Variants in RAPGEF1 observed in about 807,000 individuals in gnomAD.
RAPGEF1 encodes the protein CRK SH3-binding GNRP.
RAPGEF1 carries 33 observed loss-of-function variants against 143.3 expected under a neutral mutation model. The observed-to-expected ratio is 0.23, with a 90% CI of 0.17 to 0.31. The LOEUF (loss-of-function observed/expected upper bound fraction) is 0.31. Ranked by LOEUF, RAPGEF1 falls within the 10% of genes least tolerant of loss-of-function variation. The pLI is 1.00. For synonymous variants in RAPGEF1, 629 were observed against 676.5 expected, an observed-to-expected ratio of 0.93 and a Z score of 1.09; for missense variants, 1,199 against 1,645.4, an observed-to-expected ratio of 0.73 and a Z score of 4.69.
At chr9:131,579,675 T>A in intron 26 of RAPGEF1, 28 bp from the exon 27 acceptor site, 9 of 1,609,992 alleles carry the variant, frequency 5.6e-6, no homozygotes, top group Non-Finnish European at 7.6e-6. Flanking sequence ...GAGCAGTCAG[T>A]GAGCACCTGT....
chr9:131,613,240 G>A (rs1391390235), intron 12 of RAPGEF1, among the ~76,000 whole-genome samples: 1 of 112,642 alleles, frequency 8.9e-6, no homozygotes, highest in Non-Finnish European at 1.8e-5. Context: ...CAGCAAGTAA[G>A]GAGAAAACAC....
At chr9:131,601,969 C>T in intron 15 of RAPGEF1, 92 bp downstream of exon 15, 1 of 889,776 alleles carries the variant, frequency 1.1e-6, no homozygotes, top group South Asian at 1.6e-5. Flanking sequence ...ACCCTCAGGC[C>T]TAGGGGCTAG....
intron 1 of RAPGEF1, among the ~76,000 whole-genome samples, chr9:131,660,031 G>A (rs1418529457): frequency 6.6e-6 from 1 of 152,086 alleles, no homozygotes; most frequent in Non-Finnish European, 1.5e-5. Flanking sequence ...TGTTAGCCAG[G>A]ATGGTCTCGA....
chr9:131,579,730 C>G, intron 26 of RAPGEF1, 83 bp from the exon 27 acceptor site: 11 of 1,446,336 alleles, frequency 7.6e-6, no homozygotes, highest in Non-Finnish European at 1.0e-5. Context: ...GAAGGTGCCG[C>G]GGGGACCATC....
chr9:131,598,371 G>A (rs1955656517), intron 15 of RAPGEF1, 61 bp from the exon 16 acceptor site: 3 of 1,421,692 alleles, frequency 2.1e-6, no homozygotes, highest in Non-Finnish European at 2.9e-6. Context: ...GATGCCTGGA[G>A]GCCAAGGCAG....
intron 1 of RAPGEF1, among the ~76,000 whole-genome samples, chr9:131,659,466 A>G (rs996441393): frequency 1.2e-4 from 18 of 152,244 alleles, no homozygotes; most frequent in African/African-American, 4.1e-4. Context: ...GGATCCTCCC[A>G]TCTCAGCCTC....
chr9:131,739,502 G>A (rs1837616004), intron 1 of RAPGEF1, among the ~76,000 whole-genome samples: 1 of 151,728 alleles, frequency 6.6e-6, no homozygotes, highest in Non-Finnish European at 1.5e-5. Context: ...CGGGGACCGC[G>A]GAGCGGCTAG....
chr9:131,647,972 G>C (rs1241357450), intron 3 of RAPGEF1, among the ~76,000 whole-genome samples: 1 of 152,138 alleles, frequency 6.6e-6, no homozygotes, highest in African/African-American at 2.4e-5. Context: ...CCTTCCTATG[G>C]CAACAACCAA....
Position 131,655,195 on chromosome 9 carries a change from G to A in RAPGEF1, c.62-4246C>T, listed in dbSNP as rs992446446. Among the ~76,000 whole-genome samples, 4 of 152,186 alleles carry A rather than the reference G, an allele frequency of 2.6e-5. No homozygotes were observed. Among genetic ancestry groups the A allele is most frequent in the African/African-American group, 9.7e-5 (4 of 41,440 alleles). On this transcript the variant is annotated intron_variant, in intron 1 of 26. Coordinates refer to ENST00000683357, the MANE Select transcript of RAPGEF1 (RefSeq NM_001377935.1). This position sits in a 1 kb window ranked among gnomAD's most constrained non-coding sequence, Gnocchi z 4.1. ...CTACCTGCCCTTTGCAAATTACCTA[G>A]GCACCCACTGCGCTCTGGACCAAAG...
chr9:131,584,426 G>C lies in RAPGEF1; in HGVS notation c.3313-14C>G, dbSNP rs767763324. ...CTTCCGCAAGTGCTGCCGAGAGAGG[G>C]GCGGTGCCGTGAGGCAGGAGGGCAG... On this transcript the variant is annotated splice_polypyrimidine_tract_variant and intron_variant, in intron 23 of 26. Coordinates refer to ENST00000683357, the MANE Select transcript of RAPGEF1 (RefSeq NM_001377935.1). This position sits in a 1 kb window ranked among gnomAD's most constrained non-coding sequence, Gnocchi z 6.8. 14 of 1,613,754 alleles carry C rather than the reference G, an allele frequency of 8.7e-6. No homozygotes were observed. Among genetic ancestry groups the C allele is most frequent in the Non-Finnish European group, 1.1e-5 (13 of 1,179,690 alleles).
chr9:131,669,380 C>A (rs1437515948), intron 1 of RAPGEF1, among the ~76,000 whole-genome samples: 1 of 152,126 alleles, frequency 6.6e-6, no homozygotes, highest in Admixed American at 6.5e-5. Flanking sequence ...ACAGGAGTCA[C>A]CTCAAAAGTC....
At chr9:131,651,314 G>A (rs191064835) in intron 1 of RAPGEF1, among the ~76,000 whole-genome samples, 7 of 152,332 alleles carry the variant, frequency 4.6e-5, no homozygotes, top group African/African-American at 1.7e-4. Context: ...GAACTGGAAA[G>A]GAAGGCCCTT....
chr9:131,653,797 T>C (rs1386795921), intron 1 of RAPGEF1, among the ~76,000 whole-genome samples: 1 of 152,190 alleles, frequency 6.6e-6, no homozygotes, highest in Admixed American at 6.5e-5. Flanking sequence ...AATGAAAGCC[T>C]AAATCCATGA....
chr9:131,698,469 GA>G (rs1270347073), intron 1 of RAPGEF1, among the ~76,000 whole-genome samples: 2 of 152,220 alleles, frequency 1.3e-5, no homozygotes, highest in Non-Finnish European at 2.9e-5. Flanking sequence ...TGTGATGATT[GA>G]AAGCAACATG....
Position 131,650,982 on chromosome 9 carries a change from G to C in RAPGEF1, c.62-33C>G. On this transcript the variant is annotated intron_variant, in intron 1 of 26. Transcript: ENST00000683357. The surrounding 1 kb of genome is among the most constrained non-coding windows in gnomAD (Gnocchi z 4.7). ...CAAAGAGGGTACTGACTGTTAGATG[G>C]GAGTGGGAAGAAGCGATGGTTCATT... 1.2e-6 allele frequency: 2 copies of C among 1,606,068 alleles called. No homozygotes were observed. Among genetic ancestry groups the C allele is most frequent in the South Asian group, 1.1e-5 (1 of 90,406 alleles).
At chr9:131,731,403 G>A (rs1837064718) in intron 1 of RAPGEF1, among the ~76,000 whole-genome samples, 1 of 152,190 alleles carries the variant, frequency 6.6e-6, no homozygotes, top group Non-Finnish European at 1.5e-5. Flanking sequence ...GGGCGCATGT[G>A]ATAACCAGCA....
intron 1 of RAPGEF1, among the ~76,000 whole-genome samples, chr9:131,681,650 C>T (rs1417767419): frequency 6.6e-6 from 1 of 152,126 alleles, no homozygotes; most frequent in Non-Finnish European, 1.5e-5. Flanking sequence ...TCAGGCTGCT[C>T]GCAATGCCCA....
At chr9:131,603,721 C>T (rs1486501880) in intron 14 of RAPGEF1, among the ~76,000 whole-genome samples, 1 of 152,176 alleles carries the variant, frequency 6.6e-6, no homozygotes, top group Admixed American at 6.5e-5. Flanking sequence ...CCCATCTGGC[C>T]AGGCTCTGAG....
intron 1 of RAPGEF1, among the ~76,000 whole-genome samples, chr9:131,739,395 C>T (rs966518954): frequency 3.9e-5 from 6 of 152,222 alleles, no homozygotes; most frequent in Non-Finnish European, 8.8e-5. Flanking sequence ...CCTCCTAGCG[C>T]CGAGCCCAGG....
Sources: allele counts gnomAD v4.1 joint callset (sites outside exome capture counted in the v4.1 genomes callset), GRCh38; gene constraint gnomAD v4.1.1; non-coding constraint Gnocchi (gnomAD v3.1); transcripts MANE v1.5; gene names NCBI Gene and HGNC (gene_info 2026-07-23, HGNC 2026-07-21).